ZNF557: variants seen among roughly 807,000 people sequenced by gnomAD.
The protein encoded by ZNF557 is zinc finger protein 557, also known as CTB-25J19.9.
In ZNF557, 19 loss-of-function variants were observed where a neutral mutation model predicts 21.2. That is an observed-to-expected ratio of 0.90 (90% CI 0.63 to 1.32). The LOEUF (loss-of-function observed/expected upper bound fraction) is 1.32. Among genes scored for constraint, ZNF557 ranks in the 40% most tolerant of loss-of-function variants. The pLI is 0.00. For synonymous variants in ZNF557, 207 were observed against 194.8 expected (o/e 1.06, Z -0.52); for missense variants, 487 against 519.8 (o/e 0.94, Z 0.61).
intron 2 of ZNF557, among the ~76,000 whole-genome samples, chr19:7,074,765 G>T (rs1425851919): frequency 8.6e-6 from 1 of 116,560 alleles, no homozygotes; most frequent in Non-Finnish European, 1.8e-5. Flanking sequence ...GGGCTGGAGG[G>T]GGGTGACCGA....
At chr19:7,074,062 G>A (rs1478548964) in intron 2 of ZNF557, among the ~76,000 whole-genome samples, 1 of 147,770 alleles carries the variant, frequency 6.8e-6, no homozygotes, top group East Asian at 2.0e-4. Context: ...GTGCAATGGT[G>A]CAATCCCGGC....
At chr19:7,079,451 A>T (rs1044571081) in intron 5 of ZNF557, among the ~76,000 whole-genome samples, 5 of 151,582 alleles carry the variant, frequency 3.3e-5, no homozygotes, top group African/African-American at 4.8e-5. Flanking sequence ...CGTGTTAGCC[A>T]GGATGATCTC....
chr19:7,087,637 C>T lies in ZNF557; in HGVS notation c.*3893C>T, dbSNP rs1977893636. ...TGCATTGGCTCTGTTCTGCATATTA[C>T]TAGACTTCTTACATGATCACAAGTA... On this transcript the variant is annotated 3_prime_UTR_variant, in exon 8 of 8. Transcript: ENST00000252840. 1 of 151,594 alleles carries T rather than the reference C, an allele frequency of 6.6e-6. No homozygotes were observed. Among genetic ancestry groups the T allele is most frequent in the Admixed American group, 6.6e-5 (1 of 15,198 alleles). The allele number at this position is 151,594 out of a possible 1,614,324, so 9.4% of individuals were successfully genotyped here. A position where few individuals can be genotyped will look rare whatever the true frequency, so the allele number is the denominator to read the frequency against.
rs143340040 is a variant in ZNF557 at position 7,086,682 on chromosome 19, C to G, written c.*2938C>G. 3 of 150,878 alleles carry G rather than the reference C, an allele frequency of 2.0e-5. No individual in the cohort carries two copies. In the East Asian group the frequency reaches 5.9e-4, roughly 30 times the overall value. The allele number at this position is 150,878 out of a possible 1,614,324, so 9.3% of individuals were successfully genotyped here. On this transcript the variant is annotated 3_prime_UTR_variant, in exon 8 of 8. Coordinates refer to ENST00000252840, the MANE Select transcript of ZNF557 (RefSeq NM_024341.3). ...GGCACAAATACTGTTTCTTAATGTT[C>G]ATTCTCCCTACTTAAAGAAAAAGAT...
intron 5 of ZNF557, among the ~76,000 whole-genome samples, chr19:7,079,399 GC>G (rs1977651063): frequency 7.0e-6 from 1 of 142,998 alleles, no homozygotes; most frequent in Admixed American, 7.1e-5. Flanking sequence ...CCACCACCAC[GC>G]CTCGCTAATT....
rs778673493 is a variant in ZNF557 at position 7,075,086 on chromosome 19, C to T, written c.12C>T (p.Val4=). 4.3e-6 allele frequency: 7 copies of T among 1,613,972 alleles called. No homozygotes were observed. In the East Asian group the frequency reaches 6.7e-5, roughly 15 times the overall value. ...GTCGGAGTCACAGGATGGCGGCTGT[C>T]GTCCTGCCCCCAACTGCCGGTGAGT... MAA[V]VLPPTAALSS... The change falls in exon 3 of 8, where the codon GTC becomes GTT. Residue 4 remains valine (V), a synonymous_variant. Coordinates refer to ENST00000252840, the MANE Select transcript of ZNF557 (RefSeq NM_024341.3).
Position 7,083,096 on chromosome 19 carries a change from A to G in ZNF557, c.645A>G (p.Lys215=), listed in dbSNP as rs1228247242. 1.2e-6 allele frequency: 2 copies of G among 1,614,170 alleles called. No individual in the cohort carries two copies. Among genetic ancestry groups the G allele is most frequent in the Admixed American group, 3.3e-5 (2 of 60,018 alleles). The change falls in exon 8 of 8, where the codon AAA becomes AAG. Residue 215 remains lysine, a synonymous_variant. Coordinates refer to ENST00000252840, the MANE Select transcript of ZNF557 (RefSeq NM_024341.3). The stretch of plus-strand genomic sequence containing the variant: ...CCTATGAATGCAATGACTGTGGGAA[A>G]ACCTTCAGCAGCAGATCTTACCTTA... ...EKPYECNDCG[K]TFSSRSYLTV... is the part of the protein sequence containing the mutation.
At position 7,075,036 on chromosome 19, in the gene ZNF557, C is replaced by T. The variant is rs990133622; in HGVS notation, c.-39C>T. ...GCGCTGCGGGATAAAGGAGGAGCGT[C>T]CTGCTTCCCGGCTGCCCTGTTGCTG... On this transcript the variant is annotated 5_prime_UTR_variant, in exon 3 of 8. Coordinates refer to ENST00000252840, the MANE Select transcript of ZNF557 (RefSeq NM_024341.3). The T allele has an allele frequency of 5.0e-6, 8 of 1,613,926 alleles. No homozygotes were observed. The highest frequency in any genetic ancestry group is 2.2e-5 in the East Asian group (1 of 44,896).
At position 7,083,989 on chromosome 19, in the gene ZNF557, T is replaced by A; in HGVS notation, c.*245T>A. On this transcript the variant is annotated 3_prime_UTR_variant, in exon 8 of 8. Coordinates refer to ENST00000252840, the MANE Select transcript of ZNF557 (RefSeq NM_024341.3). ...AGTCCAGATGTCAGCAGAACTGTAA[T>A]CATCCAGAATTGTTACTGGTGAAGG... The A allele has an allele frequency of 2.3e-6, 1 of 442,602 alleles. No individual in the cohort carries two copies. The highest frequency in any genetic ancestry group is 2.7e-5 in the South Asian group (1 of 37,402). 27.4% of individuals were successfully genotyped at this position (442,602 alleles called of 1,614,324 possible). A position where few individuals can be genotyped will look rare whatever the true frequency, so the allele number is the denominator to read the frequency against.
Position 7,075,733 on chromosome 19 carries a change from G to A in ZNF557, c.110G>A (p.Ser37Asn). Residue 37 changes from serine to asparagine, a missense_variant, in exon 4 of 8, where the codon AGC (serine) becomes AAC (asparagine). Coordinates refer to ENST00000252840, the MANE Select transcript of ZNF557 (RefSeq NM_024341.3). ...GAGCTGGTTAATGAGCTCCTGAAAA[G>A]CTGGCTAAAGGTGAGTCGGATGTTC... The part of the protein sequence containing the change: ...GGELVNELLK[S>N]WLKGLVTFED... 3 of 1,613,358 alleles carry A rather than the reference G, an allele frequency of 1.9e-6. No homozygotes were observed. Among genetic ancestry groups the A allele is most frequent in the Non-Finnish European group, 2.5e-6 (3 of 1,179,424 alleles).
chr19:7,079,430 A>AT (rs759984880), intron 5 of ZNF557, among the ~76,000 whole-genome samples: 1 of 108,156 alleles, frequency 9.2e-6, no homozygotes, highest in East Asian at 3.4e-4. Context: ...TTTAGTAGAG[A>AT]CAGGGTTCAC....
rs905146975 is a variant in ZNF557 at position 7,069,740 on chromosome 19, A to G, written c.-205A>G. 6.6e-6 allele frequency: 1 copy of G among 152,210 alleles called. No homozygotes were observed. Among genetic ancestry groups the G allele is most frequent in the Non-Finnish European group, 1.5e-5 (1 of 68,042 alleles). 9.4% of individuals were successfully genotyped at this position (152,210 alleles called of 1,614,324 possible). On this transcript the variant is annotated 5_prime_UTR_variant, in exon 1 of 8. Coordinates refer to ENST00000252840, the MANE Select transcript of ZNF557 (RefSeq NM_024341.3). ...GAGCCGCGCTTGCAGCGTCTGGGAG[A>G]ATCTTTCGGTCTCCGCGAGAGGTGC...
intron 5 of ZNF557, among the ~76,000 whole-genome samples, chr19:7,077,936 C>T (rs1167223389): frequency 1.3e-5 from 2 of 152,030 alleles, no homozygotes; most frequent in Admixed American, 1.3e-4. Context: ...GCTTGTTGGC[C>T]ATTTATACAT....
At chr19:7,075,449 T>C (rs957973553) in intron 3 of ZNF557, among the ~76,000 whole-genome samples, 16 of 152,208 alleles carry the variant, frequency 1.1e-4, no homozygotes, top group African/African-American at 3.6e-4. Flanking sequence ...TTAAGCCCTG[T>C]TTCCTGGCGT....
intron 2 of ZNF557, 99 bp from the exon 3 acceptor site, chr19:7,074,897 G>C (rs1176456956): frequency 1.1e-6 from 1 of 877,088 alleles, no homozygotes; most frequent in South Asian, 1.5e-5. Context: ...CAGGAGACGG[G>C]GTGACCGAGG....
At chr19:7,075,504 T>C in intron 3 of ZNF557, 151 bp from the exon 4 acceptor site, 1 of 730,618 alleles carries the variant, frequency 1.4e-6, no homozygotes, top group Non-Finnish European at 2.2e-6. Flanking sequence ...TTGCTGTGGG[T>C]TGGTGTTTGC....
Position 7,083,874 on chromosome 19 carries a change from C to T in ZNF557, c.*130C>T. On this transcript the variant is annotated 3_prime_UTR_variant, in exon 8 of 8. Transcript: ENST00000252840. ...CCCCCCAAAATTTTGTGGCTTCAAACAAAAACACTTGTTATCTCAAAATTT... is the reference window on the plus strand; with the variant it reads ...CCCCCCAAAATTTTGTGGCTTCAAATAAAAACACTTGTTATCTCAAAATTT... 1 of 1,163,662 alleles carries T rather than the reference C, an allele frequency of 8.6e-7. No homozygotes were observed. The highest frequency in any genetic ancestry group is 1.2e-6 in the Non-Finnish European group (1 of 824,446). 72.1% of individuals were successfully genotyped at this position (1,163,662 alleles called of 1,614,324 possible).
chr19:7,081,501 C>T (rs1273137485), intron 6 of ZNF557, 46 bp downstream of exon 6: 1 of 1,317,706 alleles, frequency 7.6e-7, no homozygotes, highest in East Asian at 2.3e-5. Flanking sequence ...CAGCTCTGGC[C>T]AGGGACTGAG....
intron 1 of ZNF557, among the ~76,000 whole-genome samples, chr19:7,070,255 A>C (rs1399644579): frequency 6.6e-6 from 1 of 152,220 alleles, no homozygotes; most frequent in African/African-American, 2.4e-5. Flanking sequence ...TATAAGGCCT[A>C]AAGTGACGAA....
Sources: allele counts gnomAD v4.1 joint callset (sites outside exome capture counted in the v4.1 genomes callset), GRCh38; gene constraint gnomAD v4.1.1; transcripts MANE v1.5; gene names NCBI Gene and HGNC (gene_info 2026-07-23, HGNC 2026-07-21).